MACROD2: variants seen among roughly 807,000 people sequenced by gnomAD.
The protein encoded by MACROD2 is mono-ADP ribosylhydrolase 2, also known as ADP-ribose glycohydrolase MACROD2.
MACROD2 carries 36 observed loss-of-function variants against 70.4 expected under a neutral mutation model. The observed-to-expected ratio is 0.51, with a 90% confidence interval of 0.39 to 0.68. The LOEUF (loss-of-function observed/expected upper bound fraction) is 0.68, where lower values mean the gene tolerates loss of function less well. Among genes scored for constraint, MACROD2 ranks in the 30% least tolerant of loss-of-function variants. MACROD2 has a pLI of 0.00. For synonymous variants in MACROD2, 172 were observed against 178.8 expected (o/e 0.96, Z 0.30); for missense variants, 496 against 538.4 (o/e 0.92, Z 0.78).
Position 14,747,845 on chromosome 20 carries a change from G to A in MACROD2, c.418+62886G>A, listed in dbSNP as rs115882238. Among the ~76,000 whole-genome samples, 461 of 151,838 alleles carry A rather than the reference G, an allele frequency of 3.0e-3. 4 individuals carry two copies. Among genetic ancestry groups the A allele is most frequent in the African/African-American group, 0.011 (446 of 41,192 alleles). On this transcript the variant is annotated intron_variant, in intron 5 of 17. Transcript: ENST00000684519. ...AGAGAAAGTGAACTTCTAGAAGAAG[G>A]GATGTCAATAGAGGAGCCTCTCCTG...
chr20:15,713,663 C>T (rs535793080), intron 8 of MACROD2, among the ~76,000 whole-genome samples: 1 of 152,164 alleles, frequency 6.6e-6, no homozygotes, highest in East Asian at 1.9e-4. Context: ...CTCCTTGATC[C>T]AATCACCTCC....
intron 3 of MACROD2, among the ~76,000 whole-genome samples, chr20:14,167,653 T>C (rs1183929859): frequency 1.3e-5 from 2 of 152,074 alleles, no homozygotes; most frequent in Non-Finnish European, 2.9e-5. Flanking sequence ...GCCTCCAAAG[T>C]GCTGGGATTA....
intron 5 of MACROD2, among the ~76,000 whole-genome samples, chr20:15,211,773 C>T (rs1181259961): frequency 6.6e-6 from 1 of 152,146 alleles, no homozygotes; most frequent in Admixed American, 6.6e-5. Flanking sequence ...TTTAAATTAC[C>T]CAGCCTCAGG....
At chr20:14,597,680 C>G (rs1373771584) in intron 4 of MACROD2, among the ~76,000 whole-genome samples, 1 of 152,110 alleles carries the variant, frequency 6.6e-6, no homozygotes, top group East Asian at 1.9e-4. Flanking sequence ...CTATAATTAG[C>G]TCAACTTGCC....
intron 5 of MACROD2, among the ~76,000 whole-genome samples, chr20:15,041,426 T>G (rs2075355497): frequency 6.6e-6 from 1 of 152,162 alleles, no homozygotes; most frequent in Non-Finnish European, 1.5e-5. Flanking sequence ...TTTTGATTTT[T>G]TTAAATTAAT....
At chr20:14,568,808 G>A (rs1240400594) in intron 4 of MACROD2, among the ~76,000 whole-genome samples, 1 of 151,838 alleles carries the variant, frequency 6.6e-6, no homozygotes, top group African/African-American at 2.4e-5. Context: ...CTACGTGAGC[G>A]ACTTTTTCCT....
intron 2 of MACROD2, among the ~76,000 whole-genome samples, chr20:14,002,612 C>T (rs2052748162): frequency 6.6e-6 from 1 of 151,976 alleles, no homozygotes; most frequent in Non-Finnish European, 1.5e-5. Context: ...TGAAATATAC[C>T]ACATTTATAA....
intron 5 of MACROD2, among the ~76,000 whole-genome samples, chr20:15,135,185 A>G (rs1294156905): frequency 6.6e-6 from 1 of 151,232 alleles, no homozygotes; most frequent in African/African-American, 2.4e-5. Context: ...ATCAATAGAA[A>G]AAGAGGGAAT....
At chr20:14,841,315 A>C (rs2073084620) in intron 5 of MACROD2, among the ~76,000 whole-genome samples, 1 of 152,160 alleles carries the variant, frequency 6.6e-6, no homozygotes, top group African/African-American at 2.4e-5. Flanking sequence ...TCCCTCATTA[A>C]TGTAGATTGA....
At chr20:14,962,475 T>C (rs1476395223) in intron 5 of MACROD2, among the ~76,000 whole-genome samples, 2 of 149,894 alleles carry the variant, frequency 1.3e-5, no homozygotes, top group East Asian at 2.0e-4. Context: ...TATTTATATA[T>C]AGTTATGTTT....
chr20:15,060,693 C>T (rs564550148), intron 5 of MACROD2, among the ~76,000 whole-genome samples: 2 of 152,290 alleles, frequency 1.3e-5, no homozygotes, highest in South Asian at 4.1e-4. Flanking sequence ...ATTACTGAAG[C>T]CCAGTTTCTC....
chr20:15,881,156 A>C (rs1568615368), intron 9 of MACROD2, among the ~76,000 whole-genome samples: 1 of 152,124 alleles, frequency 6.6e-6, no homozygotes, highest in African/African-American at 2.4e-5. Flanking sequence ...TAGCAAAAAT[A>C]GTTATAAAAA....
chr20:14,984,747 A>G (rs1220624533), intron 5 of MACROD2, among the ~76,000 whole-genome samples: 1 of 152,166 alleles, frequency 6.6e-6, no homozygotes, highest in Non-Finnish European at 1.5e-5. Flanking sequence ...AGAATGAAGC[A>G]CTGAAGTCAG....
chr20:15,385,903 GT>G (rs2045706355), intron 6 of MACROD2, among the ~76,000 whole-genome samples: 1 of 152,120 alleles, frequency 6.6e-6, no homozygotes, highest in Non-Finnish European at 1.5e-5. Flanking sequence ...TAAAATAACA[GT>G]TCTAAGACTT....
At chr20:14,024,020 TC>T (rs1403827700) in intron 2 of MACROD2, among the ~76,000 whole-genome samples, 1 of 152,224 alleles carries the variant, frequency 6.6e-6, no homozygotes, top group Non-Finnish European at 1.5e-5. Context: ...TACTGATTCT[TC>T]CTATCCATGA....
At chr20:14,802,226 A>T (rs147833513) in intron 5 of MACROD2, among the ~76,000 whole-genome samples, 1 of 152,204 alleles carries the variant, frequency 6.6e-6, no homozygotes, top group Non-Finnish European at 1.5e-5. Flanking sequence ...AACTGTTTCT[A>T]ACCATAGAAG....
intron 5 of MACROD2, among the ~76,000 whole-genome samples, chr20:14,883,583 A>G (rs1470598085): frequency 7.5e-6 from 1 of 133,168 alleles, no homozygotes; most frequent in Non-Finnish European, 1.6e-5. Flanking sequence ...TGAACTGTCT[A>G]TATCTGACTC....
intron 4 of MACROD2, among the ~76,000 whole-genome samples, chr20:14,609,352 G>C (rs1001082436): frequency 1.3e-5 from 2 of 152,164 alleles, no homozygotes; most frequent in Admixed American, 1.3e-4. Flanking sequence ...GATAGTTTCC[G>C]GTTTTGGGAT....
At chr20:15,264,144 T>C (rs1380695074) in intron 6 of MACROD2, among the ~76,000 whole-genome samples, 1 of 152,196 alleles carries the variant, frequency 6.6e-6, no homozygotes, top group African/African-American at 2.4e-5. Context: ...AAGGTTTCTA[T>C]CAGTGTCTTT....
Sources: gnomAD v4.1 joint callset for allele counts (sites outside exome capture counted in the v4.1 genomes callset) on GRCh38, gnomAD v4.1.1 for gene constraint, MANE v1.5 for transcripts, NCBI Gene and HGNC (gene_info 2026-07-23, HGNC 2026-07-21) for gene names.